The following AKAP13 variants were observed in gnomAD, a reference collection of about 807,000 sequenced individuals.
AKAP13 encodes the protein A-kinase anchor protein 13.
AKAP13 carries 80 observed loss-of-function variants against 264.5 expected under a neutral mutation model. That is an observed-to-expected ratio of 0.30 (90% confidence interval 0.25 to 0.36). The LOEUF (loss-of-function observed/expected upper bound fraction) is 0.36, where lower values mean the gene tolerates loss of function less well. AKAP13 is among the 10% of genes least tolerant of loss of function. The pLI, the probability that AKAP13 is intolerant of heterozygous loss-of-function variation, is 1.00. For synonymous variants in AKAP13, 1,380 were observed against 1,250.2 expected, an observed-to-expected ratio of 1.10 and a Z score of -2.19; for missense variants, 3,712 against 3,435.2, an observed-to-expected ratio of 1.08 and a Z score of -2.01.
At chr15:85,393,960 C>T (rs1023181956) in intron 1 of AKAP13, among the ~76,000 whole-genome samples, 5 of 152,234 alleles carry the variant, frequency 3.3e-5, no homozygotes, top group South Asian at 4.1e-4. Flanking sequence ...ATGTTTGTGC[C>T]TTGAAAGTAG....
In AKAP13 at chr15:85,657,951, T is replaced by C. The variant is rs377065012; in HGVS notation, c.4746-586T>C. Among the ~76,000 whole-genome samples the C allele has an allele frequency of 3.9e-5, 6 of 152,296 alleles. No homozygotes were observed. In the East Asian group the frequency reaches 9.6e-4, roughly 24 times the overall value. Reference sequence around the variant, plus strand: ...GAGCTACATGTGACTGTGTCTGTCATGTAGCTCAGATGAGGAAATTGAAGC... The same window carrying C: ...GAGCTACATGTGACTGTGTCTGTCACGTAGCTCAGATGAGGAAATTGAAGC... On this transcript the variant is annotated intron_variant, in intron 11 of 36. Transcript: ENST00000394518.
At chr15:85,457,863 C>T (rs190969805) in intron 1 of AKAP13, among the ~76,000 whole-genome samples, 22 of 152,106 alleles carry the variant, frequency 1.4e-4, no homozygotes, top group Admixed American at 9.2e-4. Context: ...ATAAAGAGGC[C>T]GGGTGTGGTG....
At chr15:85,559,811 C>G (rs1233165564) in intron 5 of AKAP13, among the ~76,000 whole-genome samples, 2 of 152,142 alleles carry the variant, frequency 1.3e-5, no homozygotes, top group African/African-American at 4.8e-5. Flanking sequence ...ACTGTGTGGC[C>G]TAACACGCCA....
At chr15:85,734,883 T>C in intron 30 of AKAP13, 109 bp from the exon 31 acceptor site, 2 of 1,425,162 alleles carry the variant, frequency 1.4e-6, no homozygotes, top group African/African-American at 1.4e-5. Context: ...ACCCAGTCAC[T>C]CTTTGGAACT....
At chr15:85,384,583 G>A (rs1348799181) in intron 1 of AKAP13, among the ~76,000 whole-genome samples, 2 of 152,150 alleles carry the variant, frequency 1.3e-5, no homozygotes, top group East Asian at 1.9e-4. Context: ...CCGGCAGGGT[G>A]GCAGGTGCCT....
intron 2 of AKAP13, chr15:85,520,707 A>C: frequency 1.9e-6 from 1 of 518,994 alleles, no homozygotes; most frequent in Non-Finnish European, 3.8e-6. Context: ...ATAGGTTAAA[A>C]ATATTATAGA....
chr15:85,732,080 CAAAA>C (rs34426976), intron 30 of AKAP13, among the ~76,000 whole-genome samples: 5 of 114,568 alleles, frequency 4.4e-5, no homozygotes, highest in Admixed American at 8.5e-5. Flanking sequence ...GAGACTATCT[CAAAA>C]AAAAAAAAAA....
Position 85,505,004 on chromosome 15 carries a change from C to T in AKAP13, c.34-16424C>T, listed in dbSNP as rs1305799949. 2.0e-5 allele frequency among the ~76,000 whole-genome samples: 3 copies of T among 152,026 alleles called. No homozygotes were observed. In the East Asian group the frequency reaches 5.8e-4, roughly 29 times the overall value. On this transcript the variant is annotated intron_variant, in intron 2 of 36. Transcript: ENST00000394518. ...TGTGTGCGCACATGTGTTTGAAAGC[C>T]AGCACCATCTGAACAATTTAGCTTT...
intron 1 of AKAP13, among the ~76,000 whole-genome samples, chr15:85,408,417 A>G (rs11858729): frequency 0.54 from 81,705 of 151,514 alleles, 23,169 homozygotes; most frequent in African/African-American, 0.65. Context: ...ACCACTGTCC[A>G]TTTCCATGAC....
chr15:85,692,497 A>ATGG (rs35316448), intron 16 of AKAP13, among the ~76,000 whole-genome samples: 19,453 of 151,090 alleles, frequency 0.13, 1,663 homozygotes, highest in East Asian at 0.37. Context: ...GGTGGTGGTG[A>ATGG]TGGTGGTGGT....
rs773721795 is a variant in AKAP13, at chr15:85,580,154, A to G, written c.2086A>G (p.Arg696Gly). 2.5e-6 allele frequency: 4 copies of G among 1,614,228 alleles called. No homozygotes were observed. The highest frequency in any genetic ancestry group is 2.5e-6 in the Non-Finnish European group (3 of 1,180,030). Reference protein sequence around the residue: ...IVSESESTTARQPSSQDPPDA... With the variant: ...IVSESESTTAGQPSSQDPPDA... ...TAGCGAGTCCGAAAGCACCACAGCA[A>G]GGCAACCCAGCTCACAAGATCCACC... The change falls in exon 7 of 37, where the codon AGG (arginine) becomes GGG (glycine). Residue 696 changes from arginine to glycine, a missense_variant. Arg to Gly is a moderately radical substitution (Grantham distance 125). Around this residue, in one of 3 missense-constraint regions of AKAP13, gnomAD observed 2,759 missense variants for 2,411.7 expected, o/e 1.14. Transcript: ENST00000394518.
intron 29 of AKAP13, among the ~76,000 whole-genome samples, chr15:85,729,052 G>C (rs985955986): frequency 2.0e-5 from 3 of 152,102 alleles, no homozygotes; most frequent in Non-Finnish European, 2.9e-5. Context: ...TGTAATCCCA[G>C]CACTTTGGGA....
chr15:85,462,072 A>G (rs1297795449), intron 1 of AKAP13, among the ~76,000 whole-genome samples: 1 of 152,224 alleles, frequency 6.6e-6, no homozygotes, highest in East Asian at 1.9e-4. Context: ...AAGACACTAG[A>G]GAGTAACCAA....
At chr15:85,481,914 G>C (rs1256278189) in intron 1 of AKAP13, among the ~76,000 whole-genome samples, 1 of 152,294 alleles carries the variant, frequency 6.6e-6, no homozygotes, top group Non-Finnish European at 1.5e-5. Context: ...GAAATCATTG[G>C]ATGGGCATGA....
intron 30 of AKAP13, among the ~76,000 whole-genome samples, chr15:85,732,575 G>A (rs2088130192): frequency 6.7e-6 from 1 of 150,132 alleles, no homozygotes; most frequent in African/African-American, 2.4e-5. Context: ...CTTAAACTGT[G>A]GACTACAGTG....
chr15:85,675,952 C>G (rs960089191), intron 14 of AKAP13, among the ~76,000 whole-genome samples: 13 of 151,880 alleles, frequency 8.6e-5, no homozygotes, highest in Non-Finnish European at 1.3e-4. Flanking sequence ...CACTCCATCG[C>G]CCGGGCTGGA....
intron 14 of AKAP13, among the ~76,000 whole-genome samples, chr15:85,680,246 A>T (rs2084511734): frequency 6.6e-6 from 1 of 152,204 alleles, no homozygotes; most frequent in Non-Finnish European, 1.5e-5. Flanking sequence ...TGCTGCTCCT[A>T]TCACTGAAGT....
In AKAP13 at chr15:85,729,169, C is replaced by G. The variant is rs551279143; in HGVS notation, c.7088-1344C>G. 7.2e-5 allele frequency among the ~76,000 whole-genome samples: 11 copies of G among 151,916 alleles called. No individual in the cohort carries two copies. In the South Asian group the frequency reaches 8.3e-4, roughly 12 times the overall value. ...CAAAAATTAGCTGGGCGTGGTGGCA[C>G]GTGCCTGTAATCCCAGCTACTTAGG... is the stretch of plus-strand genomic sequence containing the variant. On this transcript the variant is annotated intron_variant, in intron 29 of 36. Coordinates refer to ENST00000394518, the MANE Select transcript of AKAP13 (RefSeq NM_007200.5).
chr15:85,553,051 C>T (rs1181150480), intron 5 of AKAP13, among the ~76,000 whole-genome samples: 1 of 148,222 alleles, frequency 6.7e-6, no homozygotes, highest in Non-Finnish European at 1.5e-5. Flanking sequence ...AAAGTTAAAT[C>T]TAGAGTTTTA....
Sources: gnomAD v4.1 joint callset for allele counts (sites outside exome capture counted in the v4.1 genomes callset) on GRCh38, gnomAD v4.1.1 for gene constraint, gnomAD v4.1.1 regional missense constraint, MANE v1.5 for transcripts, NCBI Gene and HGNC (gene_info 2026-07-23, HGNC 2026-07-21) for gene names.